Variants in ZSCAN5A observed in about 807,000 individuals in gnomAD.
ZSCAN5A encodes the protein zinc finger and SCAN domain-containing protein 5A.
A neutral mutation model predicts 23.7 loss-of-function variants in ZSCAN5A; 12 were observed. The observed-to-expected ratio is 0.51, with a 90% CI of 0.32 to 0.82. The LOEUF (loss-of-function observed/expected upper bound fraction) is 0.82, where lower values mean the gene tolerates loss of function less well. ZSCAN5A is among the 40% of genes least tolerant of loss of function. ZSCAN5A has a pLI of 0.03. For missense variants in ZSCAN5A, 597 were observed against 617.9 expected (o/e 0.97, Z 0.36); for synonymous variants, 257 against 239.9 (o/e 1.07, Z -0.66).
rs111866917 is a variant in ZSCAN5A at position 56,230,337 on chromosome 19, G to A, written c.-127-5164C>T. ...CTGACCTCGTGATCCACCCGCCTCGGCCTCCCAAAGTGCCGGGATTACAGG... is the reference window on the plus strand; with the variant it reads ...CTGACCTCGTGATCCACCCGCCTCGACCTCCCAAAGTGCCGGGATTACAGG... On this transcript the variant is annotated intron_variant, in intron 2 of 5. Coordinates refer to ENST00000683990, the MANE Select transcript of ZSCAN5A (RefSeq NM_001322064.3). Among the ~76,000 whole-genome samples, 587 of 152,192 alleles carry A rather than the reference G, an allele frequency of 3.9e-3. 3 individuals are homozygous for A. The highest frequency in any genetic ancestry group is 0.013 in the African/African-American group (560 of 41,500).
At chr19:56,270,149 GAAA>G (rs11350502) in intron 2 of ZSCAN5A, among the ~76,000 whole-genome samples, 20 of 145,656 alleles carry the variant, frequency 1.4e-4, no homozygotes, top group African/African-American at 3.0e-4. Context: ...CACGCTGGGT[GAAA>G]AAAAAAAAAA....
chr19:56,222,422 G>C (rs533619610), intron 5 of ZSCAN5A, 96 bp from the exon 6 acceptor site: 7 of 1,565,056 alleles, frequency 4.5e-6, no homozygotes, highest in Admixed American at 1.8e-5. Flanking sequence ...GACAACTTCC[G>C]CTCAAGCTCA....
At chr19:56,270,448 CT>C (rs1170689721) in intron 2 of ZSCAN5A, among the ~76,000 whole-genome samples, 2 of 151,932 alleles carry the variant, frequency 1.3e-5, no homozygotes, top group African/African-American at 4.8e-5. Context: ...ACATACATAG[CT>C]AGCAAGTTGT....
At chr19:56,284,979 G>A in intron 2 of ZSCAN5A, 3 of 984,386 alleles carry the variant, frequency 3.0e-6, no homozygotes, top group Non-Finnish European at 3.6e-6. Flanking sequence ...CACATCATGT[G>A]TTATGTCTTC....
chr19:56,268,225 G>A (rs1385667962), intron 2 of ZSCAN5A, among the ~76,000 whole-genome samples: 1 of 152,212 alleles, frequency 6.6e-6, no homozygotes, highest in Non-Finnish European at 1.5e-5. Flanking sequence ...TGGGAAGCCA[G>A]GCTGCCCAGG....
intron 2 of ZSCAN5A, among the ~76,000 whole-genome samples, chr19:56,303,189 T>C (rs978910979): frequency 2.0e-5 from 3 of 151,986 alleles, no homozygotes; most frequent in African/African-American, 7.3e-5. Context: ...TGCAAGAAAC[T>C]ACAAGCCAGG....
intron 2 of ZSCAN5A, among the ~76,000 whole-genome samples, chr19:56,300,863 G>A (rs1231780692): frequency 6.6e-6 from 1 of 152,132 alleles, no homozygotes; most frequent in Non-Finnish European, 1.5e-5. Context: ...AGGGAAAAAT[G>A]TTACACAGGC....
intron 2 of ZSCAN5A, among the ~76,000 whole-genome samples, chr19:56,308,068 T>C (rs2040810816): frequency 6.6e-6 from 1 of 152,242 alleles, no homozygotes; most frequent in Admixed American, 6.5e-5. Context: ...AGGGTCTCGC[T>C]CTGTCGCCAG....
chr19:56,302,956 T>C (rs2040443885), intron 2 of ZSCAN5A: 1 of 398,028 alleles, frequency 2.5e-6, no homozygotes, highest in Non-Finnish European at 4.4e-6. Flanking sequence ...GAGAACCAGA[T>C]CACCGAGTGG....
chr19:56,247,755 G>A (rs538515568), intron 2 of ZSCAN5A, among the ~76,000 whole-genome samples: 4 of 151,802 alleles, frequency 2.6e-5, no homozygotes, highest in South Asian at 2.1e-4. Flanking sequence ...GCAGTGGTGC[G>A]ATCTCGGCTC....
rs2041603128 is a variant in ZSCAN5A, at chr19:56,342,701, A to C, written c.-358+20534T>G. 4.7e-6 allele frequency: 3 copies of C among 636,624 alleles called. No individual in the cohort carries two copies. In the South Asian group the frequency reaches 5.6e-5, roughly 12 times the overall value. 39.4% of individuals were successfully genotyped at this position (636,624 alleles called of 1,614,324 possible). A position where few individuals can be genotyped will look rare whatever the true frequency, so the allele number is the denominator to read the frequency against. On this transcript the variant is annotated intron_variant, in intron 2 of 6. Coordinates refer to the ZSCAN5A transcript ENST00000587340. Reference sequence around the variant, plus strand: ...ACGGGTGAACATGAAGTAACTATACATCTGTTTTTCCTCTGGATTATATCT... The same window carrying C: ...ACGGGTGAACATGAAGTAACTATACCTCTGTTTTTCCTCTGGATTATATCT...
rs2033775651 is a variant in ZSCAN5A at position 56,225,027 on chromosome 19, G to C, written c.20C>G (p.Ser7Cys). Residue 7 changes from serine (S) to cysteine (C), a missense_variant, in exon 3 of 6, where the codon TCC becomes TGC. Ser to Cys is a moderately radical substitution (Grantham distance 112, BLOSUM62 -1). Transcript: ENST00000683990. The part of the protein sequence containing the change: MAANCT[S>C]SWSLGESCNR... ...GCAGGATTCTCCTAGACTCCATGAG[G>C]ATGTGCAATTTGCAGCCATATCTAG... 1 of 1,601,434 alleles carries C rather than the reference G, an allele frequency of 6.2e-7. No homozygotes were observed. The highest frequency in any genetic ancestry group is 1.3e-5 in the African/African-American group (1 of 74,580).
intron 2 of ZSCAN5A, among the ~76,000 whole-genome samples, chr19:56,239,385 C>G (rs903980675): frequency 3.9e-5 from 6 of 152,246 alleles, no homozygotes; most frequent in Non-Finnish European, 8.8e-5. Flanking sequence ...TTTCATTCCA[C>G]AATGACTCCA....
chr19:56,231,169 C>A (rs769547203), intron 2 of ZSCAN5A, among the ~76,000 whole-genome samples: 2 of 152,110 alleles, frequency 1.3e-5, no homozygotes, highest in South Asian at 2.1e-4. Flanking sequence ...GCTGTGATCA[C>A]GCCACTGCAC....
chr19:56,325,579 A>T (rs2041424423), intron 2 of ZSCAN5A, among the ~76,000 whole-genome samples: 1 of 152,138 alleles, frequency 6.6e-6, no homozygotes, highest in African/African-American at 2.4e-5. Flanking sequence ...GATAGAATGC[A>T]TCCAGGTTTG....
Position 56,244,505 on chromosome 19 carries a change from C to G in ZSCAN5A, c.-127-19332G>C, listed in dbSNP as rs533777461. ...CACGGTGCAGCTGGACTCGAGAGGA[C>G]CCGAGGGGCTGCTCTAGGTCAGGGC... On this transcript the variant is annotated intron_variant, in intron 2 of 5. Coordinates refer to ENST00000683990, the MANE Select transcript of ZSCAN5A (RefSeq NM_001322064.3). The G allele has an allele frequency of 1.9e-5, 27 of 1,453,828 alleles. No homozygotes were observed. The East Asian group carries it at 6.2e-4, about 33-fold the overall frequency. The allele number at this position is 1,453,828 out of a possible 1,614,324, so 90.1% of individuals were successfully genotyped here. A position where few individuals can be genotyped will look rare whatever the true frequency, so the allele number is the denominator to read the frequency against.
intron 2 of ZSCAN5A, among the ~76,000 whole-genome samples, chr19:56,328,320 TATAAA>T (rs1380088679): frequency 6.6e-6 from 1 of 152,172 alleles, no homozygotes; most frequent in Non-Finnish European, 1.5e-5. Flanking sequence ...ACTATTTTAT[TATAAA>T]ATAATTTTAG....
intron 2 of ZSCAN5A, among the ~76,000 whole-genome samples, chr19:56,356,782 TC>T (rs2147465170): frequency 6.7e-6 from 1 of 148,290 alleles, no homozygotes; most frequent in Admixed American, 6.6e-5. Context: ...CTTTAAAGAG[TC>T]GGTAGTGTTT....
At chr19:56,305,616 A>C (rs2040633412) in intron 2 of ZSCAN5A, among the ~76,000 whole-genome samples, 1 of 152,204 alleles carries the variant, frequency 6.6e-6, no homozygotes, top group Non-Finnish European at 1.5e-5. Context: ...TCATATGATA[A>C]TTCTGTGTTT....
Sources: allele counts gnomAD v4.1 joint callset (sites outside exome capture counted in the v4.1 genomes callset), GRCh38; gene constraint gnomAD v4.1.1; transcripts MANE v1.5; gene names NCBI Gene and HGNC (gene_info 2026-07-23, HGNC 2026-07-21).